CALM2: variants seen among roughly 807,000 people sequenced by gnomAD.
CALM2 encodes calmodulin-2.
CALM2 carries 2 observed loss-of-function variants against 19.8 expected under a neutral mutation model. The ratio of observed to expected loss-of-function variants is 0.10; its 90% CI spans 0.04 to 0.32. CALM2 has a LOEUF of 0.32. Ranked by LOEUF, CALM2 falls within the 10% of genes least tolerant of loss-of-function variation. CALM2 has a pLI of 1.00. For missense variants in CALM2, 38 were observed against 178.7 expected, an observed-to-expected ratio of 0.21 and a Z score of 4.49; for synonymous variants, 51 against 52.1, an observed-to-expected ratio of 0.98 and a Z score of 0.09.
intron 1 of CALM2, among the ~76,000 whole-genome samples, chr2:47,175,978 T>C (rs970461379): frequency 2.4e-4 from 37 of 151,776 alleles, no homozygotes; most frequent in African/African-American, 8.7e-4. Context: ...TCCCGCCCCC[T>C]GGGCGCATGG....
At chr2:47,176,139 G>A (rs554240515) in intron 1 of CALM2, 11 of 426,304 alleles carry the variant, frequency 2.6e-5, no homozygotes, top group Admixed American at 4.1e-5. Context: ...TCCTTCCCGT[G>A]CACTGGGCTG....
At chr2:47,168,116 T>C (rs1666548506) in intron 2 of CALM2, among the ~76,000 whole-genome samples, 1 of 152,172 alleles carries the variant, frequency 6.6e-6, no homozygotes, top group African/African-American at 2.4e-5. Flanking sequence ...TATTCAATGA[T>C]TACTATGTGG....
upstream of CALM2, chr2:47,176,673 A>G: frequency 6.9e-7 from 1 of 1,442,162 alleles, no homozygotes; most frequent in Non-Finnish European, 9.1e-7. Context: ...CGATGAGGCA[A>G]GAGATCAAGG....
chr2:47,169,752 TG>T (rs954255041), intron 2 of CALM2, among the ~76,000 whole-genome samples: 1 of 152,102 alleles, frequency 6.6e-6, no homozygotes, highest in African/African-American at 2.4e-5. Flanking sequence ...CTTATGGAAG[TG>T]GGGAGCTTGC....
At chr2:47,168,908 G>A (rs1005746082) in intron 2 of CALM2, among the ~76,000 whole-genome samples, 1 of 152,052 alleles carries the variant, frequency 6.6e-6, no homozygotes, top group African/African-American at 2.4e-5. Flanking sequence ...CTCCTGAGTG[G>A]CTGGGATTAC....
chr2:47,176,359 G>C (rs1295049671), intron 1 of CALM2, 82 bp downstream of exon 1: 28 of 1,542,154 alleles, frequency 1.8e-5, no homozygotes, highest in Non-Finnish European at 2.5e-5. Context: ...GTGTAAGGGA[G>C]GCGAGTTTCC....
At position 47,175,112 on chromosome 2, in the gene CALM2, G is replaced by C. The variant is rs140329756; in HGVS notation, c.3+1329C>G. 7.4e-4 allele frequency among the ~76,000 whole-genome samples: 62 copies of C among 83,820 alleles called. No individual in the cohort carries two copies. The East Asian group carries it at 0.028, about 38-fold the overall frequency. The allele number at this position is 83,820 out of a possible 152,430, so 55.0% of individuals were successfully genotyped here. On this transcript the variant is annotated intron_variant, in intron 1 of 5. Coordinates refer to ENST00000272298, the MANE Select transcript of CALM2 (RefSeq NM_001743.6). Reference sequence around the variant, plus strand: ...TTTTTTTTTTTTCAGGAAAGAACATGATCTCCCAGTCTGAGGTGACCGGAA... The same window carrying C: ...TTTTTTTTTTTTCAGGAAAGAACATCATCTCCCAGTCTGAGGTGACCGGAA...
At chr2:47,164,807 A>T (rs188745031) in intron 2 of CALM2, among the ~76,000 whole-genome samples, 1 of 152,206 alleles carries the variant, frequency 6.6e-6, no homozygotes, top group Non-Finnish European at 1.5e-5. Flanking sequence ...TTTATGTGAC[A>T]CATGTGTAAG....
chr2:47,167,925 C>A (rs73926760), intron 2 of CALM2, among the ~76,000 whole-genome samples: 2,955 of 150,106 alleles, frequency 0.02, 100 homozygotes, highest in African/African-American at 0.068. Context: ...CGCCACCATG[C>A]CCAGCCACCA....
chr2:47,169,504 TG>T (rs1666600072), intron 2 of CALM2, among the ~76,000 whole-genome samples: 1 of 151,968 alleles, frequency 6.6e-6, no homozygotes, highest in Non-Finnish European at 1.5e-5. Flanking sequence ...TTTAAAACAG[TG>T]TAACTCAACA....
chr2:47,163,518 C>T (rs1304487362), intron 2 of CALM2: 2 of 152,074 alleles, frequency 1.3e-5, no homozygotes, highest in African/African-American at 4.8e-5. Flanking sequence ...CCGCAACCTC[C>T]TCCTCCCAGG....
chr2:47,166,329 T>C (rs1666470805), intron 2 of CALM2, among the ~76,000 whole-genome samples: 1 of 152,236 alleles, frequency 6.6e-6, no homozygotes, highest in African/African-American at 2.4e-5. Context: ...TGGGTATCTT[T>C]TAACACCACC....
chr2:47,176,353 AAGGG>A, intron 1 of CALM2, 84 bp downstream of exon 1: 1 of 1,515,906 alleles, frequency 6.6e-7, no homozygotes, highest in Non-Finnish European at 9.0e-7. Flanking sequence ...TTGAAGGTGT[AAGGG>A]AGGCGAGTTT....
In CALM2 at chr2:47,162,381, T is replaced by C; in HGVS notation, c.190A>G (p.Ile64Val). ...NEVDADGNGTIDFPEFLTMMA... is the reference protein window; with the variant it reads ...NEVDADGNGTVDFPEFLTMMA... ...ATTGTCAGAAATTCAGGGAAGTCAA[T>C]TGTGCCATTACCTGAAATGGTTTAG... The change falls in exon 4 of 6, where the codon ATT becomes GTT. Residue 64 changes from isoleucine to valine, a missense_variant. Physicochemically the swap from Ile to Val is conservative, Grantham distance 29 (BLOSUM62 3). Coordinates refer to ENST00000272298, the MANE Select transcript of CALM2 (RefSeq NM_001743.6). 6.2e-7 allele frequency: 1 copy of C among 1,610,794 alleles called. No individual in the cohort carries two copies. Among genetic ancestry groups the C allele is most frequent in the Non-Finnish European group, 8.5e-7 (1 of 1,178,254 alleles).
intron 2 of CALM2, chr2:47,167,769 G>A (rs1179783572): frequency 1.8e-5 from 2 of 111,088 alleles, no homozygotes; most frequent in Admixed American, 1.9e-4. Context: ...GCGGTCACCA[G>A]CACTTACAAC....
chr2:47,172,705 A>C (rs1326156211), intron 1 of CALM2: 1 of 278,056 alleles, frequency 3.6e-6, no homozygotes, highest in African/African-American at 2.3e-5. Context: ...GGCTAAAAAA[A>C]AGTTGAGCTA....
At chr2:47,169,135 C>T (rs6751198) in intron 2 of CALM2, among the ~76,000 whole-genome samples, 102,321 of 152,002 alleles carry the variant, frequency 0.67, 36,658 homozygotes, top group East Asian at 0.85. Flanking sequence ...CAATGGCACA[C>T]TGAGTAACGT....
At position 47,167,814 on chromosome 2, in the gene CALM2, C is replaced by CTATTTTTTTTTT. The variant is rs1553432565; in HGVS notation, c.34+2919_34+2920insAAAAAAAAAATA. 7 of 96,526 alleles carry CTATTTTTTTTTT rather than the reference C, an allele frequency of 7.3e-5. 1 individual carries two copies. The highest frequency in any genetic ancestry group is 2.7e-4 in the Admixed American group (2 of 7,476). 6.0% of individuals were successfully genotyped at this position (96,526 alleles called of 1,614,324 possible). A position where few individuals can be genotyped will look rare whatever the true frequency, so the allele number is the denominator to read the frequency against. On this transcript the variant is annotated intron_variant, in intron 2 of 5. Coordinates refer to ENST00000272298, the MANE Select transcript of CALM2 (RefSeq NM_001743.6). ...AAAAAAAAAAATTTTTTTTTCTTTT[C>CTATTTTTTTTTT]TTTGAGACAGGGTCTTGCTGTGTTG... is the stretch of plus-strand genomic sequence containing the variant.
chr2:47,168,992 G>A (rs991955035), intron 2 of CALM2, among the ~76,000 whole-genome samples: 1 of 152,096 alleles, frequency 6.6e-6, no homozygotes, highest in Non-Finnish European at 1.5e-5. Context: ...TGGCCAGGCT[G>A]GTCATGAACT....
Sources: allele counts gnomAD v4.1 joint callset (sites outside exome capture counted in the v4.1 genomes callset), GRCh38; gene constraint gnomAD v4.1.1; transcripts MANE v1.5; gene names NCBI Gene and HGNC (gene_info 2026-07-23, HGNC 2026-07-21).